Variants in NCAPH2 observed in about 807,000 individuals in gnomAD.
NCAPH2 encodes the protein non-SMC condensin II complex subunit H2.
A neutral mutation model predicts 88.6 loss-of-function variants in NCAPH2; 56 were observed. The observed-to-expected ratio is 0.63, with a 90% CI of 0.51 to 0.79. The LOEUF (loss-of-function observed/expected upper bound fraction) is 0.79, where lower values mean the gene tolerates loss of function less well. Ranked by LOEUF, NCAPH2 falls within the 30% of genes least tolerant of loss-of-function variation. The probability of loss-of-function intolerance (pLI) is 0.00; values close to 1 mark genes in which losing one functional copy is unlikely to be tolerated. For synonymous variants in NCAPH2, 378 were observed against 313.6 expected, an observed-to-expected ratio of 1.21 and a Z score of -2.17; for missense variants, 794 against 792.0, an observed-to-expected ratio of 1.00 and a Z score of -0.03.
At position 50,524,159 on chromosome 22, in the gene NCAPH2, G is replaced by A. The variant is rs754084933; in HGVS notation, c.*784G>A. The A allele has an allele frequency of 1.2e-6, 2 of 1,611,126 alleles. No individual in the cohort carries two copies. Among genetic ancestry groups the A allele is most frequent in the South Asian group, 2.2e-5 (2 of 91,086 alleles). On this transcript the variant is annotated 3_prime_UTR_variant, in exon 20 of 20. Transcript: ENST00000420993. Reference sequence around the variant, plus strand: ...GCTTCTGTTCGCTTTTGCTGCTGCAGCCTCTCCTTCTCAGCCCTCAGGGCC... The same window carrying A: ...GCTTCTGTTCGCTTTTGCTGCTGCAACCTCTCCTTCTCAGCCCTCAGGGCC...
intron 10 of NCAPH2, among the ~76,000 whole-genome samples, chr22:50,521,290 G>A (rs2069082751): frequency 6.6e-6 from 1 of 152,220 alleles, no homozygotes; most frequent in Non-Finnish European, 1.5e-5. Flanking sequence ...CCTGGGCTTT[G>A]GGAAGGCGGC....
Position 50,519,310 on chromosome 22 carries a change from G to A in NCAPH2, c.851G>A (p.Ser284Asn), listed in dbSNP as rs767623035. The A allele has an allele frequency of 1.9e-6, 3 of 1,608,570 alleles. No homozygotes were observed. The East Asian group carries it at 6.7e-5, about 36-fold the overall frequency. Reference protein sequence around the residue: ...KAALEPKESRSPQQSAALPRR... With the variant: ...KAALEPKESRNPQQSAALPRR... The stretch of plus-strand genomic sequence containing the variant: ...GCTCTGGAGCCCAAGGAGTCCAGGA[G>A]CCCGCAGCAGGTGGGACCCACATGG... Residue 284 changes from serine (S) to asparagine (N), a missense_variant, in exon 9 of 20, where the codon AGC becomes AAC. Physicochemically the swap from Ser to Asn is conservative, Grantham distance 46. Coordinates refer to ENST00000420993, the MANE Select transcript of NCAPH2 (RefSeq NM_152299.4).
chr22:50,518,558 G>T (rs566312846), intron 7 of NCAPH2, 91 bp from the exon 8 acceptor site: 3 of 1,328,920 alleles, frequency 2.3e-6, no homozygotes, highest in South Asian at 2.7e-5. Context: ...CTGCCCTCCT[G>T]CTGGCCCCTT....
rs1169443353 is a variant in NCAPH2, at chr22:50,522,715, A to G, written c.1420A>G (p.Asn474Asp). The G allele has an allele frequency of 3.8e-5, 62 of 1,613,500 alleles. No individual in the cohort carries two copies. The East Asian group carries it at 1.3e-3, about 35-fold the overall frequency. The change falls in exon 17 of 20, where the codon AAT (asparagine) becomes GAT (aspartate). Residue 474 changes from asparagine (N) to aspartate (D), a missense_variant. Asn to Asp is a conservative substitution (Grantham distance 23). Coordinates refer to ENST00000420993, the MANE Select transcript of NCAPH2 (RefSeq NM_152299.4). The part of the protein sequence containing the change: ...SLSYEELVRR[N>D]VELFIATSQK... ...GAGCTACGAGGAGCTGGTTCGAAGG[A>G]ATGTGGTAGGCCTGGGTTAGAGGGA...
At chr22:50,508,482 C>CGGGTGGGGGTGGGGGGGGG in intron 1 of NCAPH2, 37 bp downstream of exon 1, 1 of 131,352 alleles carries the variant, frequency 7.6e-6, no homozygotes, top group East Asian at 1.4e-4. Context: ...GGTGGGCCGG[C>CGGGTGGGGGTGGGGGGGGG]GGGTGGGGCT....
intron 1 of NCAPH2, among the ~76,000 whole-genome samples, chr22:50,512,980 C>T (rs545491894): frequency 1.3e-5 from 2 of 152,334 alleles, no homozygotes; most frequent in Non-Finnish European, 2.9e-5. Flanking sequence ...AAATGATAAT[C>T]CCCACTATGG....
At chr22:50,518,776 A>G in intron 8 of NCAPH2, 44 bp downstream of exon 8, 1 of 1,544,756 alleles carries the variant, frequency 6.5e-7, no homozygotes, top group South Asian at 1.2e-5. Context: ...GCAGCCAAAG[A>G]GGGGACCAGG....
At position 50,524,692 on chromosome 22, in the gene NCAPH2, A is replaced by G. The variant is rs1294710167; in HGVS notation, c.*1317A>G. 9.1e-6 allele frequency: 6 copies of G among 659,394 alleles called. No individual in the cohort carries two copies. The highest frequency in any genetic ancestry group is 1.8e-5 in the African/African-American group (1 of 56,020). The allele number at this position is 659,394 out of a possible 1,614,324, so 40.8% of individuals were successfully genotyped here. ...CTGCACCTGCACCTCAGCAAGGTGA[A>G]CCTCTTGCTGACGGAAAGCATTCCA... On this transcript the variant is annotated 3_prime_UTR_variant, in exon 20 of 20. Transcript: ENST00000420993.
intron 1 of NCAPH2, among the ~76,000 whole-genome samples, chr22:50,513,540 T>C (rs1161723129): frequency 1.3e-5 from 2 of 152,164 alleles, no homozygotes; most frequent in Admixed American, 1.3e-4. Flanking sequence ...AGGAGGATCA[T>C]TTGAGGTCAG....
rs2068985988 is a variant in NCAPH2 at position 50,518,271 on chromosome 22, C to G, written c.639C>G (p.Thr213=). 1.2e-6 allele frequency: 2 copies of G among 1,612,626 alleles called. No individual in the cohort carries two copies. The highest frequency in any genetic ancestry group is 1.3e-5 in the African/African-American group (1 of 74,894). ...CGGGCGTTTCCCCCATGCCAGGGAC[C>G]CAGAAGGGTGAGGGCTTGGATGCGG... is the stretch of plus-strand genomic sequence containing the variant. ...EPAGVSPMPG[T]QKDTGRTEEQ... is the part of the protein sequence containing the mutation. Residue 213 remains threonine, a synonymous_variant, in exon 7 of 20, where the codon ACC becomes ACG. Coordinates refer to ENST00000420993, the MANE Select transcript of NCAPH2 (RefSeq NM_152299.4).
chr22:50,519,129 C>G (rs532979510), intron 8 of NCAPH2, 61 bp from the exon 9 acceptor site: 1 of 1,463,084 alleles, frequency 6.8e-7, no homozygotes, highest in African/African-American at 1.4e-5. Flanking sequence ...ATCAGGGTCC[C>G]TTTGGTGCCG....
intron 1 of NCAPH2, among the ~76,000 whole-genome samples, chr22:50,511,738 T>C (rs1176283212): frequency 6.7e-6 from 1 of 148,308 alleles, no homozygotes; most frequent in Non-Finnish European, 1.5e-5. Context: ...CTCCATCTCC[T>C]GGGTTCGCGC....
Position 50,524,188 on chromosome 22 carries a change from C to T in NCAPH2, c.*813C>T, listed in dbSNP as rs1471259864. The T allele has an allele frequency of 6.2e-7, 1 of 1,609,222 alleles. No individual in the cohort carries two copies. The highest frequency in any genetic ancestry group is 8.5e-7 in the Non-Finnish European group (1 of 1,179,948). ...CTCCTTCTCAGCCCTCAGGGCCAGCCAGGCCCCACCGAGTCCAGCCCCGAA... is the reference window on the plus strand; with the variant it reads ...CTCCTTCTCAGCCCTCAGGGCCAGCTAGGCCCCACCGAGTCCAGCCCCGAA... On this transcript the variant is annotated 3_prime_UTR_variant, in exon 20 of 20. Coordinates refer to ENST00000420993, the MANE Select transcript of NCAPH2 (RefSeq NM_152299.4).
At chr22:50,519,032 A>AT (rs539989156) in intron 8 of NCAPH2, among the ~76,000 whole-genome samples, 158 bp from the exon 9 acceptor site, 2,087 of 152,312 alleles carry the variant, frequency 0.014, 26 homozygotes, top group Non-Finnish European at 0.022. Flanking sequence ...CAAGCAGAGC[A>AT]CAGAGCACAG....
chr22:50,515,253 C>T (rs1453566471), intron 1 of NCAPH2, among the ~76,000 whole-genome samples: 2 of 152,152 alleles, frequency 1.3e-5, no homozygotes, highest in African/African-American at 2.4e-5. Context: ...TGGAAAGACA[C>T]CTAGGGGCTT....
In NCAPH2 at chr22:50,522,728, T is replaced by C. The variant is rs1330438443; in HGVS notation, c.1425+8T>C. 6.2e-7 allele frequency: 1 copy of C among 1,612,676 alleles called. No homozygotes were observed. The highest frequency in any genetic ancestry group is 1.7e-5 in the Admixed American group (1 of 59,904). On this transcript the variant is annotated splice_region_variant and intron_variant, in intron 17 of 19. Transcript: ENST00000420993. Reference sequence around the variant, plus strand: ...CTGGTTCGAAGGAATGTGGTAGGCCTGGGTTAGAGGGAGACGGGGAGGGGA... The same window carrying C: ...CTGGTTCGAAGGAATGTGGTAGGCCCGGGTTAGAGGGAGACGGGGAGGGGA...
rs562068362 is a variant in NCAPH2, at chr22:50,513,445, G to A, written c.109-3002G>A. 1.8e-4 allele frequency among the ~76,000 whole-genome samples: 28 copies of A among 151,906 alleles called. No homozygotes were observed. The East Asian group carries it at 3.3e-3, about 18-fold the overall frequency. On this transcript the variant is annotated intron_variant, in intron 1 of 19. Transcript: ENST00000420993. ...TGTGATCCCAGCACTTAGGGAGGCCGAGGTGGCTCACGCCTGTGATCCCAG... is the reference window on the plus strand; with the variant it reads ...TGTGATCCCAGCACTTAGGGAGGCCAAGGTGGCTCACGCCTGTGATCCCAG...
At position 50,521,757 on chromosome 22, in the gene NCAPH2, G is replaced by C. The variant is rs570003266; in HGVS notation, c.1017G>C (p.Val339=). 6 of 1,613,924 alleles carry C rather than the reference G, an allele frequency of 3.7e-6. No homozygotes were observed. The Admixed American group carries it at 5.0e-5, about 13-fold the overall frequency. Residue 339 remains valine, a synonymous_variant, in exon 12 of 20, where the codon GTG becomes GTC. Coordinates refer to ENST00000420993, the MANE Select transcript of NCAPH2 (RefSeq NM_152299.4). ...KPFKKGRPYS[V]PPCVEEALGQ... ...TGCCCCCAGGTAGGCCTTACTCTGT[G>C]CCCCCCTGTGTGGAGGAGGCTCTGG...
At position 50,523,118 on chromosome 22, in the gene NCAPH2, C is replaced by G. The variant is rs1603441608; in HGVS notation, c.1629C>G (p.Gly543=). ...EWCPFAELVA[G]QPAFEVCRSM... ...GTCCCTTTGCGGAGCTGGTGGCTGG[C>G]CAGCCGGCCTTCGAGGTGTGTCGTT... The change falls in exon 19 of 20, where the codon GGC becomes GGG. Residue 543 remains glycine, a synonymous_variant. Transcript: ENST00000420993. 1.2e-6 allele frequency: 2 copies of G among 1,613,422 alleles called. No individual in the cohort carries two copies. Among genetic ancestry groups the G allele is most frequent in the Non-Finnish European group, 1.7e-6 (2 of 1,179,758 alleles).
Sources: allele counts gnomAD v4.1 joint callset (sites outside exome capture counted in the v4.1 genomes callset), GRCh38; gene constraint gnomAD v4.1.1; transcripts MANE v1.5; gene names NCBI Gene and HGNC (gene_info 2026-07-23, HGNC 2026-07-21).